TMCO5A: variants seen among roughly 807,000 people sequenced by gnomAD.
TMCO5A encodes transmembrane and coiled-coil domain-containing protein 5A.
TMCO5A carries 34 observed loss-of-function variants against 42.3 expected under a neutral mutation model. The observed-to-expected ratio is 0.80, with a 90% confidence interval of 0.61 to 1.07. The LOEUF (loss-of-function observed/expected upper bound fraction) is 1.07. Ranked by LOEUF, TMCO5A falls within the 50% of genes least tolerant of loss-of-function variation. The pLI is 0.00. For missense variants in TMCO5A, 357 were observed against 327.9 expected, an observed-to-expected ratio of 1.09 and a Z score of -0.69; for synonymous variants, 131 against 115.6, an observed-to-expected ratio of 1.13 and a Z score of -0.86.
At chr15:37,937,574 G>A (rs1437563626) in intron 5 of TMCO5A, among the ~76,000 whole-genome samples, 178 bp downstream of exon 5, 1 of 152,008 alleles carries the variant, frequency 6.6e-6, no homozygotes, top group Non-Finnish European at 1.5e-5. Context: ...AAATGTTAGG[G>A]ATTTTCTCTG....
chr15:37,947,958 G>A (rs182040025), intron 11 of TMCO5A, among the ~76,000 whole-genome samples: 38 of 152,188 alleles, frequency 2.5e-4, no homozygotes, highest in African/African-American at 8.9e-4. Flanking sequence ...ATAGAAATTT[G>A]ATTATGTAAA....
the TMCO5A span, among the ~76,000 whole-genome samples, chr15:37,986,905 A>G: frequency 3.3e-5 from 5 of 152,020 alleles, no homozygotes; most frequent in Non-Finnish European, 2.9e-5. Flanking sequence ...TTTCCTTTCA[A>G]TTCTGGCTGT....
At chr15:37,996,212 C>T in the TMCO5A span, among the ~76,000 whole-genome samples, 1 of 152,178 alleles carries the variant, frequency 6.6e-6, no homozygotes, top group Non-Finnish European at 1.5e-5. Context: ...GGCACAGACC[C>T]TCACTACGCC....
chr15:37,938,236 G>T lies in TMCO5A; in HGVS notation c.387+7G>T, dbSNP rs1566914222. ...AGCCCTAGAAGAGACAAAGGTAAATGAAAAAAACAATCCTAAATGTGGTTG... is the reference window on the plus strand; with the variant it reads ...AGCCCTAGAAGAGACAAAGGTAAATTAAAAAAACAATCCTAAATGTGGTTG... On this transcript the variant is annotated splice_region_variant and intron_variant, in intron 6 of 11. Transcript: ENST00000319669. 3 of 1,558,264 alleles carry T rather than the reference G, an allele frequency of 1.9e-6. No homozygotes were observed. The highest frequency in any genetic ancestry group is 2.6e-6 in the Non-Finnish European group (3 of 1,150,384).
chr15:37,949,084 G>A (rs1182985601), intron 11 of TMCO5A, among the ~76,000 whole-genome samples: 1 of 151,654 alleles, frequency 6.6e-6, no homozygotes, highest in African/African-American at 2.4e-5. Context: ...AAAGAAATGG[G>A]GAAGGTTTCC....
chr15:38,016,102 A>T, the TMCO5A span, among the ~76,000 whole-genome samples: 2 of 152,136 alleles, frequency 1.3e-5, no homozygotes, highest in African/African-American at 4.8e-5. Flanking sequence ...ATCAGTTGTA[A>T]CAAATGCACC....
At chr15:37,977,466 G>A in the TMCO5A span, among the ~76,000 whole-genome samples, 5 of 152,198 alleles carry the variant, frequency 3.3e-5, no homozygotes, top group Admixed American at 3.3e-4. Flanking sequence ...GTTTCACGGG[G>A]TGTATATTAG....
chr15:37,954,476 G>A (rs1478363935), downstream of TMCO5A, among the ~76,000 whole-genome samples: 1 of 152,076 alleles, frequency 6.6e-6, no homozygotes, highest in African/African-American at 2.4e-5. Flanking sequence ...AAACATGAAG[G>A]AGAAATACAG....
At chr15:37,994,793 T>A in the TMCO5A span, 1 of 152,332 alleles carries the variant, frequency 6.6e-6, no homozygotes, top group African/African-American at 2.4e-5. Context: ...CCAGCCCAGT[T>A]CTGGGAAGGA....
At chr15:37,957,246 T>C (rs1192443709) in intron 11 of TMCO5A, among the ~76,000 whole-genome samples, 6 of 152,112 alleles carry the variant, frequency 3.9e-5, no homozygotes, top group African/African-American at 7.2e-5. Flanking sequence ...GCCAGGGCAA[T>C]CAAGCAAGAG....
chr15:37,975,846 T>C, the TMCO5A span, among the ~76,000 whole-genome samples: 1 of 151,330 alleles, frequency 6.6e-6, no homozygotes, highest in African/African-American at 2.5e-5. Context: ...AGTGTGTTTT[T>C]GTGGCGGACA....
At chr15:38,018,782 T>A in the TMCO5A span, among the ~76,000 whole-genome samples, 2 of 149,936 alleles carry the variant, frequency 1.3e-5, no homozygotes, top group East Asian at 4.0e-4. Context: ...TTTTTTTTTT[T>A]ACATACAGAT....
intron 11 of TMCO5A, among the ~76,000 whole-genome samples, chr15:37,961,704 T>A (rs969198979): frequency 6.6e-6 from 1 of 152,092 alleles, no homozygotes; most frequent in South Asian, 2.1e-4. Flanking sequence ...CATCTATGAT[T>A]TCTTTCAGCA....
chr15:38,014,833 C>A, the TMCO5A span, among the ~76,000 whole-genome samples: 1 of 116,122 alleles, frequency 8.6e-6, no homozygotes, highest in South Asian at 2.8e-4. Flanking sequence ...CTTAGAGGAA[C>A]AGAACTAATA....
chr15:37,954,526 C>A (rs1400159264), downstream of TMCO5A, among the ~76,000 whole-genome samples: 1 of 152,046 alleles, frequency 6.6e-6, no homozygotes, highest in African/African-American at 2.4e-5. Context: ...TTCATCAACA[C>A]CACACCTAGT....
At chr15:38,019,970 T>C in the TMCO5A span, among the ~76,000 whole-genome samples, 4 of 151,714 alleles carry the variant, frequency 2.6e-5, no homozygotes, top group African/African-American at 9.7e-5. Flanking sequence ...AGAGGTTTTT[T>C]TTTTTGATAA....
chr15:38,018,728 T>A, the TMCO5A span, among the ~76,000 whole-genome samples: 1 of 151,822 alleles, frequency 6.6e-6, no homozygotes, highest in Non-Finnish European at 1.5e-5. Flanking sequence ...AAGTTTTCTA[T>A]CTTCAGATTA....
the TMCO5A span, among the ~76,000 whole-genome samples, chr15:37,990,665 A>G: frequency 6.6e-6 from 1 of 151,886 alleles, no homozygotes; most frequent in African/African-American, 2.4e-5. Flanking sequence ...TCATTTTGCT[A>G]TATTTTTCTA....
chr15:37,936,754 G>C, intron 3 of TMCO5A, 93 bp from the exon 4 acceptor site: 1 of 1,538,722 alleles, frequency 6.5e-7, no homozygotes, highest in Admixed American at 1.8e-5. Context: ...CATGTACACT[G>C]TCCCTGAAGT....
Sources: allele counts gnomAD v4.1 joint callset (sites outside exome capture counted in the v4.1 genomes callset), GRCh38; gene constraint gnomAD v4.1.1; transcripts MANE v1.5; gene names NCBI Gene and HGNC (gene_info 2026-07-23, HGNC 2026-07-21).